The following JAKMIP2 variants were observed in gnomAD, a reference collection of about 807,000 sequenced individuals.
JAKMIP2 encodes the protein janus kinase and microtubule-interacting protein 2.
Under a neutral mutation model 115.0 loss-of-function variants are expected in JAKMIP2, and 25 were observed. That is an observed-to-expected ratio of 0.22 (90% CI 0.16 to 0.30). The LOEUF (loss-of-function observed/expected upper bound fraction) is 0.30, where lower values mean the gene tolerates loss of function less well. Ranked by LOEUF, JAKMIP2 falls within the 10% of genes least tolerant of loss-of-function variation. JAKMIP2 has a pLI of 1.00. For missense variants in JAKMIP2, 642 were observed against 957.6 expected, an observed-to-expected ratio of 0.67 and a Z score of 4.35; for synonymous variants, 334 against 343.6, an observed-to-expected ratio of 0.97 and a Z score of 0.31.
chr5:147,743,186 A>C (rs760244963), intron 1 of JAKMIP2, among the ~76,000 whole-genome samples: 11 of 152,062 alleles, frequency 7.2e-5, no homozygotes, highest in African/African-American at 2.2e-4. Context: ...CTTTTTTTGG[A>C]TTGCAGGAGG....
rs1427897144 is a variant in JAKMIP2, at chr5:147,663,819, C to T, written c.130-2374G>A. On this transcript the variant is annotated intron_variant, in intron 2 of 21. Transcript: ENST00000616793. ...AGCCAGATATCCTCAAATAACCATC[C>T]TCTGATCTCACCTCCAGCTTACACC... is the stretch of plus-strand genomic sequence containing the variant. 2.6e-5 allele frequency among the ~76,000 whole-genome samples: 4 copies of T among 152,106 alleles called. 1 individual carries two copies. The highest frequency in any genetic ancestry group is 7.2e-5 in the African/African-American group (3 of 41,420).
Position 147,765,378 on chromosome 5 carries a change from G to A in JAKMIP2, c.-149+17078C>T, listed in dbSNP as rs1755119587. 2.0e-5 allele frequency among the ~76,000 whole-genome samples: 3 copies of A among 152,062 alleles called. No individual in the cohort carries two copies. In the South Asian group the frequency reaches 6.2e-4, roughly 31 times the overall value. On this transcript the variant is annotated intron_variant, in intron 1 of 21. Transcript: ENST00000616793. ...GTAATTACTTTGGTCCACTTGACGT[G>A]ACACCATGGCTTTCCCTTCAGTATC...
chr5:147,627,519 G>T (rs1239996556), intron 16 of JAKMIP2, among the ~76,000 whole-genome samples: 1 of 152,010 alleles, frequency 6.6e-6, no homozygotes, highest in African/African-American at 2.4e-5. Context: ...TTCTGTTAGA[G>T]ATAATGAGGC....
intron 3 of JAKMIP2, among the ~76,000 whole-genome samples, chr5:147,651,637 C>T (rs1046531855): frequency 6.6e-6 from 1 of 151,946 alleles, no homozygotes; most frequent in African/African-American, 2.4e-5. Context: ...AAAAAAAAAC[C>T]TGCAACAGAA....
chr5:147,598,146 G>A (rs1247195559), intron 21 of JAKMIP2, among the ~76,000 whole-genome samples: 7 of 152,056 alleles, frequency 4.6e-5, no homozygotes, highest in East Asian at 1.9e-4. Context: ...GACTACAGGC[G>A]CCCGCCACCA....
Position 147,600,315 on chromosome 5 carries a change from G to A in JAKMIP2, c.*20+1426C>T, listed in dbSNP as rs369988323. The stretch of plus-strand genomic sequence containing the variant: ...AAAATATTTTGGAAGAAAGAATATA[G>A]CCAGAGAGTGAGTTATGAGTTCATA... On this transcript the variant is annotated intron_variant, in intron 21 of 21. Coordinates refer to ENST00000616793, the MANE Select transcript of JAKMIP2 (RefSeq NM_001270941.2). 2.0e-5 allele frequency among the ~76,000 whole-genome samples: 3 copies of A among 152,000 alleles called. No individual in the cohort carries two copies. In the East Asian group the frequency reaches 5.8e-4, roughly 29 times the overall value.
chr5:147,598,674 G>A (rs980773403), intron 21 of JAKMIP2, among the ~76,000 whole-genome samples: 1 of 152,094 alleles, frequency 6.6e-6, no homozygotes, highest in Non-Finnish European at 1.5e-5. Flanking sequence ...TCCAGTAAGG[G>A]TGCCTTCTAG....
At chr5:147,608,903 G>A (rs868107947) in intron 20 of JAKMIP2, among the ~76,000 whole-genome samples, 1 of 152,144 alleles carries the variant, frequency 6.6e-6, no homozygotes, top group Middle Eastern at 3.4e-3. Flanking sequence ...TCTTCTTGTT[G>A]CATCGATCTC....
chr5:147,772,831 C>CATCT (rs1755414140), intron 1 of JAKMIP2, among the ~76,000 whole-genome samples: 1 of 151,936 alleles, frequency 6.6e-6, no homozygotes, highest in Non-Finnish European at 1.5e-5. Flanking sequence ...ATCAAAGCTT[C>CATCT]ATCTTTATTG....
At chr5:147,733,864 T>C (rs1277203204) in intron 1 of JAKMIP2, among the ~76,000 whole-genome samples, 3 of 152,108 alleles carry the variant, frequency 2.0e-5, no homozygotes, top group African/African-American at 4.8e-5. Flanking sequence ...CAGTCTATCA[T>C]TGATGGGCAC....
intron 21 of JAKMIP2, among the ~76,000 whole-genome samples, chr5:147,592,118 C>T (rs1755127206): frequency 6.6e-6 from 1 of 152,096 alleles, no homozygotes; most frequent in Non-Finnish European, 1.5e-5. Context: ...TTTCATGATG[C>T]AGAAGTCTGG....
chr5:147,723,716 G>A (rs746620070), intron 1 of JAKMIP2, among the ~76,000 whole-genome samples: 20 of 152,132 alleles, frequency 1.3e-4, no homozygotes, highest in Non-Finnish European at 2.5e-4. Flanking sequence ...TATGCAGTCT[G>A]TATAACCATT....
intron 1 of JAKMIP2, among the ~76,000 whole-genome samples, chr5:147,704,921 G>A (rs1752506381): frequency 6.6e-6 from 1 of 152,104 alleles, no homozygotes; most frequent in South Asian, 2.1e-4. Flanking sequence ...CATTTTACAG[G>A]AAGAGAAAAT....
At chr5:147,723,738 C>G (rs925135094) in intron 1 of JAKMIP2, among the ~76,000 whole-genome samples, 4 of 152,140 alleles carry the variant, frequency 2.6e-5, no homozygotes, top group African/African-American at 9.7e-5. Flanking sequence ...TTAGACATTA[C>G]AGGAAAGAAA....
In JAKMIP2 at chr5:147,681,473, G is replaced by A. The variant is rs186800765; in HGVS notation, c.-148-9519C>T. On this transcript the variant is annotated intron_variant, in intron 1 of 21. Transcript: ENST00000616793. ...TCTTCATACCTCTTCACCATACCCC[G>A]GGTGGAATAAATTATTCCTTCATCC... is the stretch of plus-strand genomic sequence containing the variant. 1.5e-3 allele frequency among the ~76,000 whole-genome samples: 223 copies of A among 152,104 alleles called. 5 individuals carry two copies. The highest frequency in any genetic ancestry group is 5.2e-3 in the African/African-American group (215 of 41,516).
intron 1 of JAKMIP2, among the ~76,000 whole-genome samples, chr5:147,735,928 T>TG (rs1753905088): frequency 1.3e-5 from 2 of 152,204 alleles, no homozygotes; most frequent in Admixed American, 1.3e-4. Flanking sequence ...GGTCTCAGGT[T>TG]GGAGTGCAAC....
At chr5:147,769,685 CTTTTTT>C (rs201171068) in intron 1 of JAKMIP2, among the ~76,000 whole-genome samples, 1 of 127,766 alleles carries the variant, frequency 7.8e-6, no homozygotes, top group Non-Finnish European at 1.7e-5. Flanking sequence ...GAGACAAGAT[CTTTTTT>C]TTTTTTTTTT....
At chr5:147,677,975 A>G (rs1760060548) in intron 1 of JAKMIP2, among the ~76,000 whole-genome samples, 1 of 151,802 alleles carries the variant, frequency 6.6e-6, no homozygotes, top group African/African-American at 2.4e-5. Context: ...ACATCTCTCT[A>G]TTCTTCCCTC....
intron 1 of JAKMIP2, among the ~76,000 whole-genome samples, chr5:147,715,153 G>C (rs936706029): frequency 6.6e-6 from 1 of 151,978 alleles, no homozygotes; most frequent in South Asian, 2.1e-4. Context: ...ACAAAGATTA[G>C]TCTATAACTT....
Sources: gnomAD v4.1 joint callset for allele counts (sites outside exome capture counted in the v4.1 genomes callset) on GRCh38, gnomAD v4.1.1 for gene constraint, MANE v1.5 for transcripts, NCBI Gene and HGNC (gene_info 2026-07-23, HGNC 2026-07-21) for gene names.